PCDH15: variants seen among roughly 807,000 people sequenced by gnomAD.
The protein encoded by PCDH15 is protocadherin-15.
In PCDH15, 129 loss-of-function variants were observed where a neutral mutation model predicts 178.5. The ratio of observed to expected loss-of-function variants is 0.72; its 90% CI spans 0.63 to 0.84. The LOEUF is 0.84. Among genes scored for constraint, PCDH15 ranks in the 40% least tolerant of loss-of-function variants. PCDH15 has a pLI of 0.00. For synonymous variants in PCDH15, 800 were observed against 732.0 expected (o/e 1.09, Z -1.50); for missense variants, 2,230 against 2,099.9 (o/e 1.06, Z -1.21).
chr10:55,462,079 C>T (rs1839691848), intron 2 of PCDH15, among the ~76,000 whole-genome samples: 1 of 151,910 alleles, frequency 6.6e-6, no homozygotes, highest in African/African-American at 2.4e-5. Context: ...TATTAGTTTA[C>T]CTAGCTTGAC....
intron 15 of PCDH15, among the ~76,000 whole-genome samples, chr10:54,128,042 T>C (rs1163563819): frequency 1.3e-5 from 2 of 152,174 alleles, no homozygotes; most frequent in African/African-American, 4.8e-5. Context: ...TTCCCTCTGG[T>C]GCTGGGATAG....
At chr10:53,826,095 A>G (rs1051846496) in intron 32 of PCDH15, among the ~76,000 whole-genome samples, 3 of 151,784 alleles carry the variant, frequency 2.0e-5, no homozygotes, top group African/African-American at 4.8e-5. Flanking sequence ...AACATACTCA[A>G]ATAGAATCAA....
intron 3 of PCDH15, among the ~76,000 whole-genome samples, chr10:54,438,715 G>A (rs369171392): frequency 6.6e-6 from 1 of 151,976 alleles, no homozygotes; most frequent in Non-Finnish European, 1.5e-5. Context: ...TTGCAGGATG[G>A]GTGCAATGCT....
chr10:54,169,438 A>C, intron 13 of PCDH15, among the ~76,000 whole-genome samples: 1 of 137,060 alleles, frequency 7.3e-6, no homozygotes, highest in South Asian at 2.3e-4. Context: ...AAAACTCCCC[A>C]ACTCTGTTGC....
chr10:54,505,685 T>A (rs1355279286), intron 3 of PCDH15, among the ~76,000 whole-genome samples: 2 of 151,888 alleles, frequency 1.3e-5, no homozygotes, highest in African/African-American at 4.8e-5. Flanking sequence ...TTAGGAGAAA[T>A]ACCTAATGTA....
chr10:55,069,917 C>T (rs964512867), intron 2 of PCDH15, among the ~76,000 whole-genome samples: 7 of 152,170 alleles, frequency 4.6e-5, no homozygotes, highest in African/African-American at 1.7e-4. Flanking sequence ...GTTCCCATTT[C>T]TCCACATTCT....
At chr10:54,400,954 T>C (rs1951859276) in intron 3 of PCDH15, among the ~76,000 whole-genome samples, 1 of 152,018 alleles carries the variant, frequency 6.6e-6, no homozygotes, top group African/African-American at 2.4e-5. Flanking sequence ...AAAGGGAACA[T>C]AGCTATAGAC....
intron 1 of PCDH15, among the ~76,000 whole-genome samples, chr10:55,174,879 A>ATTAAGGGGGATCATG (rs1839433849): frequency 6.6e-6 from 1 of 152,184 alleles, no homozygotes; most frequent in Non-Finnish European, 1.5e-5. Context: ...CTTAAGACAA[A>ATTAAGGGGGATCATG]TTAAGGGGGA....
At chr10:55,070,825 T>G (rs1222644979) in intron 2 of PCDH15, among the ~76,000 whole-genome samples, 1 of 152,114 alleles carries the variant, frequency 6.6e-6, no homozygotes, top group African/African-American at 2.4e-5. Context: ...AAGTCATTGG[T>G]AGCTTGATGG....
chr10:55,504,384 A>G (rs1248095906), intron 2 of PCDH15, among the ~76,000 whole-genome samples: 1 of 151,464 alleles, frequency 6.6e-6, no homozygotes, highest in Non-Finnish European at 1.5e-5. Context: ...ATTTTTAAAA[A>G]TAACTAAAAA....
intron 2 of PCDH15, among the ~76,000 whole-genome samples, chr10:55,521,425 AT>A (rs557290148): frequency 2.6e-5 from 4 of 151,538 alleles, no homozygotes; most frequent in Non-Finnish European, 5.9e-5. Context: ...TCACATTACG[AT>A]TTTTTTTTGT....
intron 2 of PCDH15, among the ~76,000 whole-genome samples, chr10:54,945,386 T>TAGAC (rs1360241746): frequency 6.6e-6 from 1 of 151,364 alleles, no homozygotes; most frequent in East Asian, 1.9e-4. Flanking sequence ...GATAGATAGA[T>TAGAC]AGATAGATAT....
chr10:53,954,596 TG>T (rs1443238508), intron 23 of PCDH15, among the ~76,000 whole-genome samples: 1 of 152,218 alleles, frequency 6.6e-6, no homozygotes, highest in Admixed American at 6.5e-5. Context: ...ATTTTACTTC[TG>T]TGACCAAGAC....
At chr10:54,664,413 T>C in intron 1 of PCDH15, 123 bp from the exon 2 acceptor site, 1 of 677,586 alleles carries the variant, frequency 1.5e-6, no homozygotes, top group Non-Finnish European at 2.6e-6. Flanking sequence ...TGCCACATTA[T>C]CCATTAACAA....
chr10:54,850,334 G>C lies in PCDH15; in HGVS notation c.-29+47116C>G, dbSNP rs1591740915. 2.0e-5 allele frequency among the ~76,000 whole-genome samples: 3 copies of C among 151,940 alleles called. No individual in the cohort carries two copies. In the South Asian group the frequency reaches 6.2e-4, roughly 32 times the overall value. Reference sequence around the variant, plus strand: ...AATTTGTGGGAACAGGTGGTATTTTGTTACACGAGTAAGTTTCTTAGTGGT... The same window carrying C: ...AATTTGTGGGAACAGGTGGTATTTTCTTACACGAGTAAGTTTCTTAGTGGT... On this transcript the variant is annotated intron_variant, in intron 3 of 5. Coordinates refer to the PCDH15 transcript ENST00000458638.
intron 3 of PCDH15, among the ~76,000 whole-genome samples, chr10:54,411,280 G>A (rs2153820): frequency 0.79 from 120,564 of 151,962 alleles, 48,587 homozygotes; most frequent in East Asian, 0.97. Context: ...TGGATTTAAA[G>A]GCCACTTCCC....
chr10:54,329,081 T>A (rs979193801), intron 7 of PCDH15, among the ~76,000 whole-genome samples: 3 of 151,962 alleles, frequency 2.0e-5, no homozygotes, highest in Non-Finnish European at 4.4e-5. Flanking sequence ...GTTATGGGAA[T>A]ATTAGCTGAT....
At chr10:54,685,318 C>T (rs1483126956) in intron 1 of PCDH15, among the ~76,000 whole-genome samples, 1 of 152,124 alleles carries the variant, frequency 6.6e-6, no homozygotes, top group African/African-American at 2.4e-5. Context: ...ATAAAACTTA[C>T]AGTATTGTAA....
At chr10:54,622,447 C>T (rs920408825) in intron 2 of PCDH15, among the ~76,000 whole-genome samples, 1 of 147,180 alleles carries the variant, frequency 6.8e-6, no homozygotes, top group Non-Finnish European at 1.5e-5. Flanking sequence ...ATAGGGCATT[C>T]TGGCTTGTTT....
Sources: allele counts gnomAD v4.1 joint callset (sites outside exome capture counted in the v4.1 genomes callset), GRCh38; gene constraint gnomAD v4.1.1; transcripts MANE v1.5; gene names NCBI Gene and HGNC (gene_info 2026-07-23, HGNC 2026-07-21).